STK32B: variants seen among roughly 807,000 people sequenced by gnomAD.
STK32B encodes the protein serine/threonine kinase 32B, also known as serine/threonine-protein kinase 32B.
STK32B carries 43 observed loss-of-function variants against 52.6 expected under a neutral mutation model. The observed-to-expected ratio is 0.82, with a 90% CI of 0.64 to 1.05. The LOEUF (loss-of-function observed/expected upper bound fraction) is 1.05. STK32B is among the 50% of genes least tolerant of loss of function. The probability of loss-of-function intolerance (pLI) is 0.00; values close to 1 mark genes in which losing one functional copy is unlikely to be tolerated. For synonymous variants in STK32B, 238 were observed against 204.3 expected, an observed-to-expected ratio of 1.17 and a Z score of -1.41; for missense variants, 621 against 534.6, an observed-to-expected ratio of 1.16 and a Z score of -1.59.
chr4:5,081,830 T>TC (rs1560141804), intron 1 of STK32B, among the ~76,000 whole-genome samples: 1 of 152,180 alleles, frequency 6.6e-6, no homozygotes, highest in African/African-American at 2.4e-5. Flanking sequence ...TCACTGAGCT[T>TC]CTTTAAAAAC....
In STK32B at chr4:5,432,664, A is replaced by G. The variant is rs150773304; in HGVS notation, c.563-14009A>G. Among the ~76,000 whole-genome samples the G allele has an allele frequency of 1.9e-3, 291 of 152,280 alleles. 1 individual carries two copies. The highest frequency in any genetic ancestry group is 6.5e-3 in the African/African-American group (270 of 41,550). On this transcript the variant is annotated intron_variant, in intron 6 of 11. Transcript: ENST00000282908. Reference sequence around the variant, plus strand: ...AACCTGGCACAATGGGTGTAATAAGAATAGTGGCCAAATATGATGGTGCCT... The same window carrying G: ...AACCTGGCACAATGGGTGTAATAAGGATAGTGGCCAAATATGATGGTGCCT...
intron 9 of STK32B, among the ~76,000 whole-genome samples, chr4:5,462,868 CA>C (rs1717142835): frequency 6.6e-6 from 1 of 152,186 alleles, no homozygotes; most frequent in East Asian, 1.9e-4. Context: ...TTGACAACCA[CA>C]AGGGTAGGGT....
intron 2 of STK32B, among the ~76,000 whole-genome samples, chr4:5,155,507 A>G (rs1717750263): frequency 6.6e-6 from 1 of 152,142 alleles, no homozygotes; most frequent in Non-Finnish European, 1.5e-5. Flanking sequence ...ACACATATGT[A>G]TATGCATATA....
At chr4:5,069,897 C>T (rs1052620299) in intron 1 of STK32B, among the ~76,000 whole-genome samples, 2 of 152,138 alleles carry the variant, frequency 1.3e-5, no homozygotes, top group African/African-American at 2.4e-5. Flanking sequence ...GTTTCTTCTG[C>T]TGAAGAATGG....
intron 3 of STK32B, among the ~76,000 whole-genome samples, chr4:5,240,468 T>C (rs1419723690): frequency 6.6e-6 from 1 of 152,142 alleles, no homozygotes; most frequent in Non-Finnish European, 1.5e-5. Context: ...TGTTTTGTTT[T>C]GTTTTGTTTC....
Position 5,051,738 on chromosome 4 carries a change from G to A in STK32B, c.-126G>A, listed in dbSNP as rs1741790131. ...CCCTGCACGGTGCTCGGCCCCCTCG[G>A]GCTCCGCGCGCGGCTACAACCCGGA... On this transcript the variant is annotated 5_prime_UTR_variant, in exon 1 of 12. Transcript: ENST00000282908. 1 of 1,342,084 alleles carries A rather than the reference G, an allele frequency of 7.5e-7. No individual in the cohort carries two copies. Among genetic ancestry groups the A allele is most frequent in the African/African-American group, 1.5e-5 (1 of 67,214 alleles). 83.1% of individuals were successfully genotyped at this position (1,342,084 alleles called of 1,614,324 possible).
At chr4:5,156,975 A>G (rs1717907125) in intron 2 of STK32B, among the ~76,000 whole-genome samples, 1 of 152,030 alleles carries the variant, frequency 6.6e-6, no homozygotes, top group Non-Finnish European at 1.5e-5. Context: ...TCACAGCTGC[A>G]TGTGAATTCA....
chr4:5,037,291 T>A, the STK32B span, among the ~76,000 whole-genome samples: 1 of 152,146 alleles, frequency 6.6e-6, no homozygotes, highest in Admixed American at 6.5e-5. Context: ...CAGCAATATT[T>A]CTCATGCTAA....
chr4:5,494,838 T>A (rs1299400115), intron 11 of STK32B, among the ~76,000 whole-genome samples: 2 of 152,338 alleles, frequency 1.3e-5, no homozygotes, highest in Non-Finnish European at 2.9e-5. Flanking sequence ...CTTTTGAAGC[T>A]TAGTTTGGCG....
chr4:5,498,390 T>TTTAACAACTGTTTGGATA (rs1720465409), intron 11 of STK32B, among the ~76,000 whole-genome samples: 1 of 149,168 alleles, frequency 6.7e-6, no homozygotes. Flanking sequence ...TAAGTCTGTG[T>TTTAACAACTGTTTGGATA]TTAACAACTG....
At chr4:5,197,496 A>G (rs1467186589) in intron 3 of STK32B, among the ~76,000 whole-genome samples, 4 of 152,188 alleles carry the variant, frequency 2.6e-5, no homozygotes, top group African/African-American at 9.6e-5. Flanking sequence ...TTTTCAGAGC[A>G]TATGTCACCA....
In STK32B at chr4:5,460,794, A is replaced by G. The variant is rs575449578; in HGVS notation, c.909+566A>G. 2.6e-5 allele frequency among the ~76,000 whole-genome samples: 4 copies of G among 152,308 alleles called. No homozygotes were observed. Among genetic ancestry groups the G allele is most frequent in the Non-Finnish European group, 1.5e-5 (1 of 68,036 alleles). On this transcript the variant is annotated intron_variant, in intron 9 of 11. Transcript: ENST00000282908. This position sits in a 1 kb window ranked among gnomAD's most constrained non-coding sequence, Gnocchi z 4.8. ...CAGAAAGCCTGGGTTTCAAAGAACA[A>G]TTTTATAGCATTTAAGGGAATAAAC...
chr4:5,499,136 C>A lies in STK32B; in HGVS notation c.*53C>A. The A allele has an allele frequency of 6.5e-7, 1 of 1,535,664 alleles. No individual in the cohort carries two copies. Among genetic ancestry groups the A allele is most frequent in the South Asian group, 1.3e-5 (1 of 79,504 alleles). On this transcript the variant is annotated 3_prime_UTR_variant, in exon 12 of 12. Coordinates refer to ENST00000282908, the MANE Select transcript of STK32B (RefSeq NM_018401.3). The stretch of plus-strand genomic sequence containing the variant: ...CTGCACTCGTCTCTGCCCTGCCCAC[C>A]CAGAGCCCCTCTTTGTGCCCTGATG...
intron 3 of STK32B, among the ~76,000 whole-genome samples, chr4:5,178,662 C>A (rs1046050301): frequency 1.3e-5 from 2 of 152,222 alleles, no homozygotes; most frequent in African/African-American, 4.8e-5. Flanking sequence ...TACCCTGAAT[C>A]ATCTCTCTCA....
intron 3 of STK32B, among the ~76,000 whole-genome samples, chr4:5,309,577 C>T (rs1383524232): frequency 6.6e-6 from 1 of 152,060 alleles, no homozygotes; most frequent in Non-Finnish European, 1.5e-5. Flanking sequence ...GAAATAAATC[C>T]ACATATTTAC....
chr4:5,105,914 G>A lies in STK32B; in HGVS notation c.53-33991G>A, dbSNP rs577550571. On this transcript the variant is annotated intron_variant, in intron 1 of 11. Transcript: ENST00000282908. ...ATGAATTAATTTTTCCTTAATGATTGCTTTGCTTACTTTAACATTGTGAAG... is the reference window on the plus strand; with the variant it reads ...ATGAATTAATTTTTCCTTAATGATTACTTTGCTTACTTTAACATTGTGAAG... Among the ~76,000 whole-genome samples, 9 of 151,980 alleles carry A rather than the reference G, an allele frequency of 5.9e-5. No individual in the cohort carries two copies. In the South Asian group the frequency reaches 1.7e-3, roughly 28 times the overall value.
chr4:5,396,104 T>C lies in STK32B; in HGVS notation c.435-2103T>C, dbSNP rs1356443682. ...AGCTTCCGGGGACTGCCACAGCAAA[T>C]TACTGCAAAATCGGTGGCTTAAAAC... On this transcript the variant is annotated intron_variant, in intron 4 of 11. Transcript: ENST00000282908. This position sits in a 1 kb window ranked among gnomAD's most constrained non-coding sequence, Gnocchi z 4.7. Among the ~76,000 whole-genome samples, 1 of 152,218 alleles carries C rather than the reference T, an allele frequency of 6.6e-6. No individual in the cohort carries two copies. The highest frequency in any genetic ancestry group is 1.5e-5 in the Non-Finnish European group (1 of 68,034).
At chr4:5,437,784 G>T (rs1233115265) in intron 6 of STK32B, 1 of 372,368 alleles carries the variant, frequency 2.7e-6, no homozygotes, top group East Asian at 1.7e-4. Context: ...GGTTGCTATT[G>T]TTCAGATATG....
intron 3 of STK32B, among the ~76,000 whole-genome samples, chr4:5,270,762 T>C (rs184776762): frequency 6.6e-6 from 1 of 152,274 alleles, no homozygotes; most frequent in East Asian, 1.9e-4. Context: ...AATAAAACTT[T>C]ATTTGCTGGC....
Sources: gnomAD v4.1 joint callset for allele counts (sites outside exome capture counted in the v4.1 genomes callset) on GRCh38, gnomAD v4.1.1 for gene constraint, Gnocchi (gnomAD v3.1) non-coding constraint, MANE v1.5 for transcripts, NCBI Gene and HGNC (gene_info 2026-07-23, HGNC 2026-07-21) for gene names.